The following ABCA4 variants were observed in gnomAD, a reference collection of about 807,000 sequenced individuals.
ABCA4 encodes the protein ATP binding cassette subfamily A member 4, also known as retinal-specific phospholipid-transporting ATPase ABCA4.
A neutral mutation model predicts 263.7 loss-of-function variants in ABCA4; 196 were observed. The ratio of observed to expected loss-of-function variants is 0.74; its 90% CI spans 0.66 to 0.84. The LOEUF is 0.84. Among genes scored for constraint, ABCA4 ranks in the 40% least tolerant of loss-of-function variants. The pLI, the probability that ABCA4 is intolerant of heterozygous loss-of-function variation, is 0.00. For missense variants in ABCA4, 2,792 were observed against 2,855.1 expected, an observed-to-expected ratio of 0.98 and a Z score of 0.50; for synonymous variants, 1,133 against 1,094.2, an observed-to-expected ratio of 1.04 and a Z score of -0.70.
Position 94,080,574 on chromosome 1 carries a change from G to A in ABCA4, c.1003C>T (p.Leu335Phe), listed in dbSNP as rs1057520668. Residue 335 changes from leucine (L) to phenylalanine (F), a missense_variant, in exon 8 of 50, where the codon CTC becomes TTC. By Grantham distance (22) the Leu-to-Phe change is conservative. Coordinates refer to ENST00000370225, the MANE Select transcript of ABCA4 (RefSeq NM_000350.3). ...GYPEGGGSRVLSFNWYEDNNY... is the reference protein window; with the variant it reads ...GYPEGGGSRVFSFNWYEDNNY... ...TTGTCTTCATACCAGTTGAAGGAGAGCACCCGAGAGCCACCTCCCTCGGGG... is the reference window on the plus strand; with the variant it reads ...TTGTCTTCATACCAGTTGAAGGAGAACACCCGAGAGCCACCTCCCTCGGGG... 1.4e-5 allele frequency: 23 copies of A among 1,613,990 alleles called. No homozygotes were observed. The highest frequency in any genetic ancestry group is 3.3e-5 in the Admixed American group (2 of 59,994).
intron 26 of ABCA4, among the ~76,000 whole-genome samples, chr1:94,035,098 T>C (rs555449710): frequency 6.6e-6 from 1 of 152,308 alleles, no homozygotes; most frequent in African/African-American, 2.4e-5. Flanking sequence ...CTTGACTGTA[T>C]CTTTGGAACA....
intron 24 of ABCA4, among the ~76,000 whole-genome samples, chr1:94,039,469 A>G (rs1660428707): frequency 6.6e-6 from 1 of 152,222 alleles, no homozygotes; most frequent in Admixed American, 6.5e-5. Context: ...TCTCTCACAT[A>G]GAGAGGGGAT....
At position 94,031,814 on chromosome 1, in the gene ABCA4, T is replaced by C; in HGVS notation, c.4092A>G (p.Gln1364=). The C allele has an allele frequency of 6.2e-7, 1 of 1,614,050 alleles. No homozygotes were observed. Among genetic ancestry groups the C allele is most frequent in the Non-Finnish European group, 8.5e-7 (1 of 1,180,042 alleles). ...HVQALLVKRF[Q]HTIRSHKDFL... ...AGTCCTTGTGGCTGCGGATGGTGTG[T>C]TGGAATCTCTTGACCAGCAGCGCCT... Residue 1364 remains glutamine (Q), a synonymous_variant, in exon 27 of 50, where the codon CAA becomes CAG. Transcript: ENST00000370225.
Position 94,083,536 on chromosome 1 carries a change from T to TC in ABCA4, c.769-96dup, listed in dbSNP as rs530110275. 6.4e-5 allele frequency: 54 copies of TC among 846,808 alleles called. 1 individual carries two copies. The highest frequency in any genetic ancestry group is 1.6e-4 in the South Asian group (10 of 61,756). The allele number at this position is 846,808 out of a possible 1,614,324, so 52.5% of individuals were successfully genotyped here. A position where few individuals can be genotyped will look rare whatever the true frequency, so the allele number is the denominator to read the frequency against. ...TCTGATCTCCTATATGTTTGAAAACTCCCCCCCTCCTTCTTTCTGATCGCA... is the reference window on the plus strand; with the variant it reads ...TCTGATCTCCTATATGTTTGAAAACTCCCCCCCCTCCTTCTTTCTGATCGCA... On this transcript the variant is annotated intron_variant, in intron 6 of 49. Transcript: ENST00000370225.
intron 12 of ABCA4, 72 bp downstream of exon 12, chr1:94,063,040 C>T: frequency 7.1e-7 from 1 of 1,407,308 alleles, no homozygotes; most frequent in Non-Finnish European, 1.0e-6. Flanking sequence ...CAGTCTCAAT[C>T]CCTTTCTCTC....
At chr1:94,023,349 A>G in intron 32 of ABCA4, 37 bp downstream of exon 32, 1 of 1,541,356 alleles carries the variant, frequency 6.5e-7, no homozygotes, top group Middle Eastern at 1.7e-4. Flanking sequence ...CAATGAATCA[A>G]TCTGAGATTT....
chr1:94,113,114 T>C (rs770315741), intron 1 of ABCA4, 48 bp from the exon 2 acceptor site: 2 of 1,576,688 alleles, frequency 1.3e-6, no homozygotes, highest in Non-Finnish European at 1.7e-6. Flanking sequence ...TGCTAAGAGA[T>C]TATAGAAAAC....
At position 94,010,124 on chromosome 1, in the gene ABCA4, A is replaced by G. The variant is rs565961278; in HGVS notation, c.5714+676T>C. Among the ~76,000 whole-genome samples, 28 of 152,324 alleles carry G rather than the reference A, an allele frequency of 1.8e-4. No individual in the cohort carries two copies. The South Asian group carries it at 2.5e-3, about 14-fold the overall frequency. ...AGGAAAAGTTAAGAAACAAAACACT[A>G]TTGGGGAAAGCTTGCTAGGAAGGGC... is the stretch of plus-strand genomic sequence containing the variant. On this transcript the variant is annotated intron_variant, in intron 40 of 49. Transcript: ENST00000370225.
At chr1:94,027,490 G>T (rs1243881867) in intron 30 of ABCA4, among the ~76,000 whole-genome samples, 1 of 152,186 alleles carries the variant, frequency 6.6e-6, no homozygotes, top group Non-Finnish European at 1.5e-5. Context: ...TCCTCTTGGG[G>T]CACAGAGGAC....
intron 43 of ABCA4, 52 bp downstream of exon 43, chr1:94,007,582 T>G (rs1341822158): frequency 2.7e-6 from 4 of 1,489,874 alleles, no homozygotes; most frequent in Non-Finnish European, 3.7e-6. Context: ...TTCCTATTCT[T>G]CTCACAGGAC....
At chr1:94,096,279 A>G (rs1015885306) in intron 6 of ABCA4, among the ~76,000 whole-genome samples, 5 of 152,180 alleles carry the variant, frequency 3.3e-5, no homozygotes, top group African/African-American at 9.7e-5. Flanking sequence ...TGTAGGACAC[A>G]TTGAATCACT....
At position 94,080,654 on chromosome 1, in the gene ABCA4, C is replaced by A. The variant is rs1026256692; in HGVS notation, c.923G>T (p.Gly308Val). 2 of 1,614,130 alleles carry A rather than the reference C, an allele frequency of 1.2e-6. No individual in the cohort carries two copies. The highest frequency in any genetic ancestry group is 8.5e-7 in the Non-Finnish European group (1 of 1,180,030). ...WVTRPLMQNG[G>V]PETFTKLMGI... The stretch of plus-strand genomic sequence containing the variant: ...CATCAGCTTTGTAAAGGTCTCTGGA[C>A]CACCATTCTGCATGAGGGGCCTGGT... The change falls in exon 8 of 50, where the codon GGT (glycine) becomes GTT (valine). Residue 308 changes from glycine (G) to valine (V), a missense_variant. By Grantham distance (109) the Gly-to-Val change is moderately radical. Coordinates refer to ENST00000370225, the MANE Select transcript of ABCA4 (RefSeq NM_000350.3).
At position 94,055,177 on chromosome 1, in the gene ABCA4, G is replaced by A. The variant is rs143100856; in HGVS notation, c.2521C>T (p.Gln841Ter). 6.2e-7 allele frequency: 1 copy of A among 1,614,184 alleles called. No homozygotes were observed. Among genetic ancestry groups the A allele is most frequent in the Non-Finnish European group, 8.5e-7 (1 of 1,180,032 alleles). ...GDEFSFLLSM[Q>*]MMLLDAAVYG... The stretch of plus-strand genomic sequence containing the variant: ...ACAGCAGCATCAAGGAGCATCATCT[G>A]CATGGACAGCAGGAAGCTGAATTCG... The change falls in exon 16 of 50, where the codon CAG (glutamine) becomes TAG (stop). Residue 841 changes from glutamine to a stop codon, truncating the protein, a stop_gained. Coordinates refer to ENST00000370225, the MANE Select transcript of ABCA4 (RefSeq NM_000350.3). LOFTEE classifies it high-confidence loss of function.
At chr1:94,046,800 G>A in intron 19 of ABCA4, 119 bp downstream of exon 19, 1 of 1,275,956 alleles carries the variant, frequency 7.8e-7, no homozygotes, top group Non-Finnish European at 1.1e-6. Flanking sequence ...ACATTTTTGG[G>A]GCCGCAAATA....
intron 13 of ABCA4, among the ~76,000 whole-genome samples, chr1:94,062,004 T>C (rs1425695555): frequency 1.3e-5 from 2 of 151,992 alleles, no homozygotes; most frequent in Non-Finnish European, 2.9e-5. Flanking sequence ...AGTCAAACAG[T>C]AGGCTGCTTG....
At chr1:94,001,624 G>A (rs1448878543) in intron 45 of ABCA4, 1 of 689,148 alleles carries the variant, frequency 1.5e-6, no homozygotes, top group South Asian at 1.5e-5. Context: ...GAGACATCCT[G>A]GGAACGCAGG....
rs747460910 is a variant in ABCA4 at position 94,056,796 on chromosome 1, G to A, written c.2187C>T (p.Asp729=). The A allele has an allele frequency of 6.2e-7, 1 of 1,610,012 alleles. No individual in the cohort carries two copies. Among genetic ancestry groups the A allele is most frequent in the South Asian group, 1.1e-5 (1 of 90,270 alleles). ...ACAAGAACAGGAAGAGGATGAATGG[G>A]TCGCTGTAATGTAGGATTCTTCCAT... is the stretch of plus-strand genomic sequence containing the variant. The part of the protein sequence containing the change: ...IMHGRILHYS[D]PFILFLFLLA... Residue 729 remains aspartate, a synonymous_variant, in exon 15 of 50, where the codon GAC becomes GAT. Transcript: ENST00000370225.
chr1:94,121,082 G>A lies in ABCA4; in HGVS notation c.-37C>T. ...CACGAAGACCAGATTGGTCAGAGCT[G>A]AGGCCCCTCAGACAGCAAAGGACAT... On this transcript the variant is annotated 5_prime_UTR_variant, in exon 1 of 50. Transcript: ENST00000370225. The A allele has an allele frequency of 6.2e-7, 1 of 1,604,684 alleles. No individual in the cohort carries two copies. The highest frequency in any genetic ancestry group is 8.5e-7 in the Non-Finnish European group (1 of 1,171,364).
At chr1:94,026,485 C>T (rs1250558199) in intron 30 of ABCA4, among the ~76,000 whole-genome samples, 1 of 152,194 alleles carries the variant, frequency 6.6e-6, no homozygotes, top group African/African-American at 2.4e-5. Flanking sequence ...GTGGGTGGCC[C>T]AGGGCCTAGG....
Sources: allele counts gnomAD v4.1 joint callset (sites outside exome capture counted in the v4.1 genomes callset), GRCh38; gene constraint gnomAD v4.1.1; transcripts MANE v1.5; gene names NCBI Gene and HGNC (gene_info 2026-07-23, HGNC 2026-07-21).